Variants in ELMO1 observed in about 807,000 individuals in gnomAD.
The protein encoded by ELMO1 is engulfment and cell motility protein 1.
ELMO1 carries 26 observed loss-of-function variants against 98.9 expected under a neutral mutation model. The ratio of observed to expected loss-of-function variants is 0.26; its 90% confidence interval spans 0.19 to 0.36. ELMO1 has a LOEUF of 0.36. Ranked by LOEUF, ELMO1 falls within the 10% of genes least tolerant of loss-of-function variation. The pLI is 1.00. For missense variants in ELMO1, 627 were observed against 935.2 expected, an observed-to-expected ratio of 0.67 and a Z score of 4.30; for synonymous variants, 346 against 346.0, an observed-to-expected ratio of 1.00 and a Z score of 0.00.
intron 5 of ELMO1, among the ~76,000 whole-genome samples, chr7:37,267,185 T>G (rs1415748860): frequency 6.6e-6 from 1 of 152,126 alleles, no homozygotes; most frequent in Non-Finnish European, 1.5e-5. Context: ...TCCTTTTATC[T>G]GAATATACAT....
intron 4 of ELMO1, among the ~76,000 whole-genome samples, chr7:37,275,586 C>T (rs546999017): frequency 9.2e-5 from 14 of 152,176 alleles, no homozygotes; most frequent in East Asian, 3.9e-4. Flanking sequence ...CAAGAGGAAA[C>T]GGACGCAGGC....
At chr7:37,110,244 A>G (rs576626912) in intron 14 of ELMO1, among the ~76,000 whole-genome samples, 1 of 152,312 alleles carries the variant, frequency 6.6e-6, no homozygotes, top group African/African-American at 2.4e-5. Flanking sequence ...CACAAATCCA[A>G]TGTGCTTAAT....
chr7:37,136,543 A>G (rs1684847552), intron 13 of ELMO1, among the ~76,000 whole-genome samples: 1 of 152,220 alleles, frequency 6.6e-6, no homozygotes, highest in African/African-American at 2.4e-5. Flanking sequence ...AAAACTTACA[A>G]GCTAGAAGGG....
At chr7:37,420,017 T>C (rs1045110528) in intron 1 of ELMO1, among the ~76,000 whole-genome samples, 5 of 152,180 alleles carry the variant, frequency 3.3e-5, no homozygotes, top group South Asian at 2.1e-4. Context: ...AATTCAACCA[T>C]TTACCGGTCT....
chr7:36,971,082 G>A (rs1445271340), intron 16 of ELMO1, among the ~76,000 whole-genome samples: 1 of 152,248 alleles, frequency 6.6e-6, no homozygotes, highest in Non-Finnish European at 1.5e-5. Context: ...GTGAAGTTGT[G>A]TGTATGAATC....
intron 13 of ELMO1, among the ~76,000 whole-genome samples, chr7:37,185,414 G>GA (rs34372324): frequency 6.6e-6 from 1 of 152,224 alleles, no homozygotes; most frequent in South Asian, 2.1e-4. Flanking sequence ...GAATAGTCCT[G>GA]AAAAAATAAT....
intron 1 of ELMO1, chr7:37,376,000 G>T: frequency 1.9e-6 from 1 of 522,766 alleles, no homozygotes; most frequent in South Asian, 2.0e-5. Flanking sequence ...ATTTGGTTGT[G>T]AACATGGTCA....
chr7:37,223,052 G>A (rs1446386915), intron 9 of ELMO1, among the ~76,000 whole-genome samples: 1 of 152,196 alleles, frequency 6.6e-6, no homozygotes, highest in Non-Finnish European at 1.5e-5. Context: ...GTGTATGTAT[G>A]TGTAATTTTC....
intron 13 of ELMO1, among the ~76,000 whole-genome samples, chr7:37,167,395 T>G (rs1383432630): frequency 2.6e-5 from 4 of 152,028 alleles, no homozygotes; most frequent in Non-Finnish European, 5.9e-5. Flanking sequence ...TGTTAGCTGG[T>G]TATTTTGCTC....
At chr7:37,352,842 T>G (rs1186209861) in intron 1 of ELMO1, among the ~76,000 whole-genome samples, 1 of 152,202 alleles carries the variant, frequency 6.6e-6, no homozygotes, top group African/African-American at 2.4e-5. Flanking sequence ...AATACTTGTA[T>G]TTGTGATCAT....
At position 37,125,642 on chromosome 7, in the gene ELMO1, A is replaced by T. The variant is rs1175120597; in HGVS notation, c.1191+7488T>A. On this transcript the variant is annotated intron_variant, in intron 14 of 21. Coordinates refer to ENST00000310758, the MANE Select transcript of ELMO1 (RefSeq NM_014800.11). Reference sequence around the variant, plus strand: ...GAATGGCAATCATTAAAAAGTCAGGAAACAACAAGTGCTGGAGAGGATGTG... The same window carrying T: ...GAATGGCAATCATTAAAAAGTCAGGTAACAACAAGTGCTGGAGAGGATGTG... Among the ~76,000 whole-genome samples, 7 of 152,218 alleles carry T rather than the reference A, an allele frequency of 4.6e-5. No homozygotes were observed. In the East Asian group the frequency reaches 1.3e-3, roughly 29 times the overall value.
chr7:36,984,097 C>T (rs1584477177), intron 16 of ELMO1, among the ~76,000 whole-genome samples: 4 of 151,938 alleles, frequency 2.6e-5, no homozygotes, highest in Non-Finnish European at 4.4e-5. Flanking sequence ...GAGGCCAAGG[C>T]GAAATGGACA....
intron 4 of ELMO1, among the ~76,000 whole-genome samples, chr7:37,272,775 G>T (rs1311489488): frequency 6.6e-6 from 1 of 152,080 alleles, no homozygotes; most frequent in Non-Finnish European, 1.5e-5. Context: ...AGACACAAAG[G>T]CTTCATGTTA....
chr7:37,145,616 C>T (rs148668910), intron 13 of ELMO1, among the ~76,000 whole-genome samples: 5 of 152,308 alleles, frequency 3.3e-5, no homozygotes, highest in East Asian at 1.9e-4. Context: ...TTAAATGATA[C>T]GTGTTTTTCA....
chr7:37,224,977 G>A lies in ELMO1; in HGVS notation c.603C>T (p.Ser201=). 9.9e-6 allele frequency: 16 copies of A among 1,614,124 alleles called. No individual in the cohort carries two copies. The highest frequency in any genetic ancestry group is 1.4e-5 in the Non-Finnish European group (16 of 1,180,004). The part of the protein sequence containing the change: ...SAIDISILQR[S]LAILESMVLN... ...GCACCATCGACTCCAAAATGGCCAA[G>A]GACCGCTGCAGGATCGAGATGTCTA... is the stretch of plus-strand genomic sequence containing the variant. The change falls in exon 9 of 22, where the codon TCC becomes TCT. Residue 201 remains serine, a synonymous_variant. Transcript: ENST00000310758.
At chr7:37,194,577 A>G (rs1165439872) in intron 13 of ELMO1, among the ~76,000 whole-genome samples, 1 of 152,196 alleles carries the variant, frequency 6.6e-6, no homozygotes, top group Non-Finnish European at 1.5e-5. Context: ...AAATTATCAA[A>G]TATCATCCAA....
chr7:37,244,721 T>C (rs1339881586), intron 6 of ELMO1, among the ~76,000 whole-genome samples: 5 of 152,200 alleles, frequency 3.3e-5, no homozygotes, highest in East Asian at 3.8e-4. Flanking sequence ...GGGATAGGAA[T>C]TGATACATTT....
At chr7:37,128,837 TG>T (rs981231459) in intron 14 of ELMO1, among the ~76,000 whole-genome samples, 8 of 152,166 alleles carry the variant, frequency 5.3e-5, no homozygotes, top group African/African-American at 1.4e-4. Flanking sequence ...AGAATATAAA[TG>T]AACCTTGGTG....
At chr7:37,082,054 G>A (rs974811381) in intron 15 of ELMO1, among the ~76,000 whole-genome samples, 1 of 152,180 alleles carries the variant, frequency 6.6e-6, no homozygotes, top group African/African-American at 2.4e-5. Context: ...TATGCTTCTT[G>A]GGGATAGGTA....
Sources: gnomAD v4.1 joint callset for allele counts (sites outside exome capture counted in the v4.1 genomes callset) on GRCh38, gnomAD v4.1.1 for gene constraint, MANE v1.5 for transcripts, NCBI Gene and HGNC (gene_info 2026-07-23, HGNC 2026-07-21) for gene names.